The following CDH4 variants were observed in gnomAD, a reference collection of about 807,000 sequenced individuals.
The protein encoded by CDH4 is cadherin 4.
In CDH4, 33 loss-of-function variants were observed where a neutral mutation model predicts 86.0. The observed-to-expected ratio is 0.38, with a 90% confidence interval of 0.29 to 0.51. CDH4 has a LOEUF of 0.51. CDH4 is among the 20% of genes least tolerant of loss of function. The pLI, the probability that CDH4 is intolerant of heterozygous loss-of-function variation, is 0.86. For synonymous variants in CDH4, 555 were observed against 549.4 expected, an observed-to-expected ratio of 1.01 and a Z score of -0.14; for missense variants, 1,114 against 1,307.4, an observed-to-expected ratio of 0.85 and a Z score of 2.28.
chr20:61,584,381 C>CA (rs962187989), intron 2 of CDH4, among the ~76,000 whole-genome samples: 1 of 152,340 alleles, frequency 6.6e-6, no homozygotes, highest in African/African-American at 2.4e-5. Flanking sequence ...GACAACCTCA[C>CA]AAACTAGAAT....
intron 2 of CDH4, among the ~76,000 whole-genome samples, chr20:61,482,512 G>C (rs1483328548): frequency 6.6e-6 from 1 of 152,132 alleles, no homozygotes; most frequent in Non-Finnish European, 1.5e-5. Flanking sequence ...GCAGCAGGTT[G>C]GCCCTCTTTT....
intron 2 of CDH4, among the ~76,000 whole-genome samples, chr20:61,325,700 C>T (rs1015235322): frequency 6.6e-6 from 1 of 151,918 alleles, no homozygotes; most frequent in Non-Finnish European, 1.5e-5. Context: ...TTGAAAATGC[C>T]ACTCAATGTG....
intron 2 of CDH4, among the ~76,000 whole-genome samples, chr20:61,423,351 G>A (rs760817694): frequency 3.3e-5 from 5 of 152,164 alleles, no homozygotes; most frequent in Non-Finnish European, 7.3e-5. Context: ...AGAGGCCACT[G>A]CCTCATGTTT....
At chr20:61,779,414 GA>G (rs1296064370) in intron 4 of CDH4, among the ~76,000 whole-genome samples, 2 of 152,218 alleles carry the variant, frequency 1.3e-5, no homozygotes, top group Non-Finnish European at 2.9e-5. Flanking sequence ...CACAGTCGCG[GA>G]GCCTGCGAGG....
chr20:61,385,461 C>G (rs1184272300), intron 2 of CDH4, among the ~76,000 whole-genome samples: 1 of 140,448 alleles, frequency 7.1e-6, no homozygotes, highest in African/African-American at 2.8e-5. Flanking sequence ...CGCCGCCCCC[C>G]GCCCCCTTGG....
At chr20:61,934,591 T>C (rs2055157216) in intron 15 of CDH4, among the ~76,000 whole-genome samples, 1 of 152,246 alleles carries the variant, frequency 6.6e-6, no homozygotes, top group Admixed American at 6.5e-5. Flanking sequence ...CTTGGTGCTA[T>C]GAGCCCTCCA....
At chr20:61,335,447 G>A (rs930504022) in intron 2 of CDH4, among the ~76,000 whole-genome samples, 3 of 152,214 alleles carry the variant, frequency 2.0e-5, no homozygotes, top group Non-Finnish European at 4.4e-5. Flanking sequence ...TCTGGCTTGG[G>A]TTCCTGCTAG....
rs190951857 is a variant in CDH4, at chr20:61,534,183, G to A, written c.170-209380G>A. Among the ~76,000 whole-genome samples, 12 of 152,298 alleles carry A rather than the reference G, an allele frequency of 7.9e-5. No homozygotes were observed. In the East Asian group the frequency reaches 2.3e-3, roughly 29 times the overall value. The stretch of plus-strand genomic sequence containing the variant: ...TGGAGGCATTTATTCTGTGCATTAT[G>A]TAAAATTCTATTTGCACTCTGCTAT... On this transcript the variant is annotated intron_variant, in intron 2 of 15. Transcript: ENST00000614565.
At chr20:61,397,996 G>A (rs557088045) in intron 2 of CDH4, among the ~76,000 whole-genome samples, 6 of 152,320 alleles carry the variant, frequency 3.9e-5, no homozygotes, top group African/African-American at 1.2e-4. Context: ...ACCGCATGCC[G>A]AGCTGCGTGC....
intron 2 of CDH4, among the ~76,000 whole-genome samples, chr20:61,321,691 A>G (rs2084509383): frequency 6.6e-6 from 1 of 152,100 alleles, no homozygotes; most frequent in Non-Finnish European, 1.5e-5. Flanking sequence ...TCCCTGGAGT[A>G]GCCTGCAGAA....
chr20:61,726,811 A>G (rs2088117927), intron 2 of CDH4, among the ~76,000 whole-genome samples: 2 of 149,476 alleles, frequency 1.3e-5, no homozygotes, highest in African/African-American at 2.5e-5. Flanking sequence ...CATCATCACC[A>G]TTGCTGCCAT....
rs546820237 is a variant in CDH4 at position 61,660,895 on chromosome 20, C to A, written c.170-82668C>A. 2.6e-5 allele frequency among the ~76,000 whole-genome samples: 4 copies of A among 152,230 alleles called. No homozygotes were observed. The South Asian group carries it at 8.3e-4, about 32-fold the overall frequency. ...TGGCAGCTCCACCTGGGCAGCCTTA[C>A]CGGGACTCATGGTCCCGCAGCCTCT... On this transcript the variant is annotated intron_variant, in intron 2 of 15. Transcript: ENST00000614565.
chr20:61,602,837 G>A (rs80302101), intron 2 of CDH4, among the ~76,000 whole-genome samples: 300 of 152,282 alleles, frequency 2.0e-3, no homozygotes, highest in African/African-American at 7.0e-3. Context: ...GCTTACTGGG[G>A]TACACGCCCG....
At chr20:61,933,620 C>T (rs1482210814) in intron 14 of CDH4, among the ~76,000 whole-genome samples, 3 of 152,184 alleles carry the variant, frequency 2.0e-5, no homozygotes, top group Non-Finnish European at 2.9e-5. Flanking sequence ...CCTCCCACAA[C>T]ACGACCATAA....
chr20:61,727,420 G>A (rs1185565396), intron 2 of CDH4, among the ~76,000 whole-genome samples: 1 of 152,078 alleles, frequency 6.6e-6, no homozygotes, highest in Non-Finnish European at 1.5e-5. Flanking sequence ...CATCATCTCT[G>A]TCATCATCAC....
chr20:61,511,555 G>A (rs2085779955), intron 2 of CDH4, among the ~76,000 whole-genome samples: 1 of 152,242 alleles, frequency 6.6e-6, no homozygotes, highest in African/African-American at 2.4e-5. Context: ...TTGACCAGCA[G>A]CGGGTACTTC....
rs11204439 is a variant in CDH4, at chr20:61,663,652, G to A, written c.170-79911G>A. Reference sequence around the variant, plus strand: ...ACCATCTTGGCTGCCCAGGGGAAGCGGGGACTCGAGGAGAGCAGGGAGTGC... The same window carrying A: ...ACCATCTTGGCTGCCCAGGGGAAGCAGGGACTCGAGGAGAGCAGGGAGTGC... On this transcript the variant is annotated intron_variant, in intron 2 of 15. Transcript: ENST00000614565. This position sits in a 1 kb window ranked among gnomAD's most constrained non-coding sequence, Gnocchi z 5.0. Among the ~76,000 whole-genome samples, 20,957 of 152,056 alleles carry A rather than the reference G, an allele frequency of 0.14. 1,620 individuals carry two copies. Among genetic ancestry groups the A allele is most frequent in the East Asian group, 0.31 (1,574 of 5,138 alleles).
intron 4 of CDH4, among the ~76,000 whole-genome samples, chr20:61,826,610 G>T (rs1306226561): frequency 6.6e-6 from 1 of 152,230 alleles, no homozygotes; most frequent in Non-Finnish European, 1.5e-5. Flanking sequence ...ATGTAAGCTG[G>T]TCAGTATTCC....
chr20:61,929,903 G>C, intron 13 of CDH4, 61 bp downstream of exon 13: 1 of 1,338,670 alleles, frequency 7.5e-7, no homozygotes, highest in Non-Finnish European at 1.1e-6. Flanking sequence ...CCCTGTCCCA[G>C]GCATGGTGGG....
Sources: gnomAD v4.1 joint callset for allele counts (sites outside exome capture counted in the v4.1 genomes callset) on GRCh38, gnomAD v4.1.1 for gene constraint, Gnocchi (gnomAD v3.1) non-coding constraint, MANE v1.5 for transcripts, NCBI Gene and HGNC (gene_info 2026-07-23, HGNC 2026-07-21) for gene names.